Variants in PPP2R2C observed in about 807,000 individuals in gnomAD.
PPP2R2C encodes protein phosphatase 2 regulatory subunit Bgamma.
Under a neutral mutation model 45.3 loss-of-function variants are expected in PPP2R2C, and 10 were observed. The ratio of observed to expected loss-of-function variants is 0.22; its 90% CI spans 0.14 to 0.37. The LOEUF (loss-of-function observed/expected upper bound fraction) is 0.37. Ranked by LOEUF, PPP2R2C falls within the 10% of genes least tolerant of loss-of-function variation. The pLI, the probability that PPP2R2C is intolerant of heterozygous loss-of-function variation, is 1.00. For missense variants in PPP2R2C, 308 were observed against 619.7 expected (o/e 0.50, Z 5.34); for synonymous variants, 257 against 245.4 (o/e 1.05, Z -0.44).
intron 2 of PPP2R2C, among the ~76,000 whole-genome samples, chr4:6,529,055 C>A (rs1222969105): frequency 3.9e-5 from 6 of 152,220 alleles, no homozygotes; most frequent in Non-Finnish European, 8.8e-5. Context: ...TCAGAGCAGC[C>A]CAGAGCTGGC....
At chr4:6,482,647 TC>T (rs1298265503) in intron 2 of PPP2R2C, among the ~76,000 whole-genome samples, 1 of 152,214 alleles carries the variant, frequency 6.6e-6, no homozygotes, top group African/African-American at 2.4e-5. Flanking sequence ...GAGCAGATTC[TC>T]TTGGATTTTC....
chr4:6,384,275 T>C (rs1292614102), intron 1 of PPP2R2C: 1 of 985,260 alleles, frequency 1.0e-6, no homozygotes, highest in Non-Finnish European at 1.2e-6. Flanking sequence ...GAACGGGATA[T>C]AAAATTGGGT....
intron 2 of PPP2R2C, among the ~76,000 whole-genome samples, chr4:6,495,998 C>T (rs1238451427): frequency 6.6e-6 from 1 of 152,176 alleles, no homozygotes; most frequent in Admixed American, 6.5e-5. Context: ...CTCCTTGGTG[C>T]CCCTTGGCTT....
intron 1 of PPP2R2C, among the ~76,000 whole-genome samples, chr4:6,421,673 G>T (rs896145935): frequency 2.6e-5 from 4 of 151,808 alleles, no homozygotes; most frequent in Admixed American, 2.6e-4. Flanking sequence ...ACGAGGAGAG[G>T]GCACGTGGCA....
chr4:6,324,189 T>C lies in PPP2R2C; in HGVS notation c.1053-596A>G, dbSNP rs975784267. On this transcript the variant is annotated intron_variant, in intron 8 of 8. Transcript: ENST00000382599. The surrounding 1 kb of genome is among the most constrained non-coding windows in gnomAD (Gnocchi z 4.1). ...GCTCACACCTGTAATCCCAGCACTT[T>C]GGGAAGCCAAGGCGGGCAGATCACC... Among the ~76,000 whole-genome samples the C allele has an allele frequency of 6.6e-6, 1 of 152,032 alleles. No individual in the cohort carries two copies. The highest frequency in any genetic ancestry group is 1.5e-5 in the Non-Finnish European group (1 of 68,012).
rs562616997 is a variant in PPP2R2C at position 6,392,126 on chromosome 4, T to C, written c.71-11032A>G. Reference sequence around the variant, plus strand: ...ATGAGAAAGTCCCAGAAATGGATGGTGGTGACAGGTGCACAGCAACGTGAA... The same window carrying C: ...ATGAGAAAGTCCCAGAAATGGATGGCGGTGACAGGTGCACAGCAACGTGAA... On this transcript the variant is annotated intron_variant, in intron 1 of 8. Transcript: ENST00000382599. Among the ~76,000 whole-genome samples the C allele has an allele frequency of 3.3e-5, 5 of 152,358 alleles. No homozygotes were observed. In the South Asian group the frequency reaches 1.0e-3, roughly 32 times the overall value.
intron 1 of PPP2R2C, chr4:6,420,846 C>T: frequency 1.3e-6 from 1 of 769,070 alleles, no homozygotes; most frequent in Non-Finnish European, 1.6e-6. Flanking sequence ...TGCCAGTGCC[C>T]AGGTCTGTGC....
At chr4:6,356,017 G>C (rs1480013580) in intron 5 of PPP2R2C, among the ~76,000 whole-genome samples, 1 of 92,190 alleles carries the variant, frequency 1.1e-5, no homozygotes, top group Admixed American at 1.1e-4. Flanking sequence ...AAAAAAAAAA[G>C]AGCACTGTGG....
chr4:6,382,608 C>A (rs899508599), intron 1 of PPP2R2C: 3 of 1,020,678 alleles, frequency 2.9e-6, no homozygotes, highest in African/African-American at 1.7e-5. Context: ...AGGCCCAAGC[C>A]TTGGAGTTTC....
intron 5 of PPP2R2C, among the ~76,000 whole-genome samples, chr4:6,367,339 G>C (rs1170896294): frequency 6.6e-6 from 1 of 152,150 alleles, no homozygotes; most frequent in Admixed American, 6.5e-5. Flanking sequence ...CAGTGGGCAC[G>C]GAGGACTGAA....
At chr4:6,365,025 G>A (rs1469846441) in intron 5 of PPP2R2C, among the ~76,000 whole-genome samples, 1 of 152,192 alleles carries the variant, frequency 6.6e-6, no homozygotes, top group African/African-American at 2.4e-5. Flanking sequence ...CTTCCTTGCA[G>A]AACTGAAAAA....
intron 1 of PPP2R2C, among the ~76,000 whole-genome samples, chr4:6,456,661 C>T (rs1721055313): frequency 1.3e-5 from 2 of 152,300 alleles, no homozygotes; most frequent in Non-Finnish European, 2.9e-5. Context: ...GCACACTGAA[C>T]GCAGTGGAGG....
intron 1 of PPP2R2C, among the ~76,000 whole-genome samples, chr4:6,557,035 TG>T (rs1725424519): frequency 6.6e-6 from 1 of 152,104 alleles, no homozygotes; most frequent in Non-Finnish European, 1.5e-5. Context: ...AGAGAGAAGC[TG>T]GGGCTGGAAA....
chr4:6,414,116 G>C, intron 1 of PPP2R2C: 1 of 1,111,508 alleles, frequency 9.0e-7, no homozygotes, highest in Non-Finnish European at 1.2e-6. Flanking sequence ...GTGTGTGTGT[G>C]TGTGTGTACA....
rs76087148 is a variant in PPP2R2C, at chr4:6,471,088, A to C, written c.70+1072T>G. Among the ~76,000 whole-genome samples, 24,533 of 152,044 alleles carry C rather than the reference A, an allele frequency of 0.16. 2,237 individuals carry two copies. The highest frequency in any genetic ancestry group is 0.24 in the African/African-American group (10,065 of 41,490). On this transcript the variant is annotated intron_variant, in intron 1 of 8. Coordinates refer to ENST00000382599, the MANE Select transcript of PPP2R2C (RefSeq NM_020416.4). The surrounding 1 kb of genome is among the most constrained non-coding windows in gnomAD (Gnocchi z 5.6). ...GAGCCCGGTCTCCGCCGCCTGGCCC[A>C]CTCGGTCTCCCTGACACAGGCACCC... is the stretch of plus-strand genomic sequence containing the variant.
chr4:6,446,601 T>G (rs1720432237), intron 1 of PPP2R2C, among the ~76,000 whole-genome samples: 1 of 152,110 alleles, frequency 6.6e-6, no homozygotes, highest in African/African-American at 2.4e-5. Context: ...AGGCAGGGCT[T>G]GTAGGAACTG....
Position 6,372,508 on chromosome 4 carries a change from CA to C in PPP2R2C, c.625+14del. 1 of 1,612,022 alleles carries C rather than the reference CA, an allele frequency of 6.2e-7. No homozygotes were observed. The highest frequency in any genetic ancestry group is 1.7e-5 in the Admixed American group (1 of 59,996). On this transcript the variant is annotated intron_variant, in intron 5 of 8. Transcript: ENST00000382599. ...TGCCCGTGGGAGGCACTGGCCAGGC[CA>C]CAGTGAAGGATACTGAAGCTCCTGT...
intron 1 of PPP2R2C, among the ~76,000 whole-genome samples, chr4:6,462,303 C>T (rs761610633): frequency 2.6e-5 from 4 of 152,052 alleles, no homozygotes; most frequent in African/African-American, 4.8e-5. Context: ...GGTGAAACCC[C>T]GTCTCTACTA....
intron 2 of PPP2R2C, among the ~76,000 whole-genome samples, chr4:6,505,597 G>A (rs1723199894): frequency 6.6e-6 from 1 of 152,194 alleles, no homozygotes; most frequent in Non-Finnish European, 1.5e-5. Flanking sequence ...TATAATCCCA[G>A]AGCAACCATT....
Sources: allele counts gnomAD v4.1 joint callset (sites outside exome capture counted in the v4.1 genomes callset), GRCh38; gene constraint gnomAD v4.1.1; non-coding constraint Gnocchi (gnomAD v3.1); transcripts MANE v1.5; gene names NCBI Gene and HGNC (gene_info 2026-07-23, HGNC 2026-07-21).